The following ZNF433 variants were observed in gnomAD, a reference collection of about 807,000 sequenced individuals.
ZNF433 encodes the protein zinc finger protein 433.
In ZNF433, 12 loss-of-function variants were observed where a neutral mutation model predicts 10.6. That is an observed-to-expected ratio of 1.13 (90% CI 0.72 to 1.83). The LOEUF (loss-of-function observed/expected upper bound fraction) is 1.83. Ranked by LOEUF, ZNF433 falls within the 40% of genes most tolerant of loss-of-function variation. The pLI is 0.00. For missense variants in ZNF433, 737 were observed against 798.0 expected, an observed-to-expected ratio of 0.92 and a Z score of 0.92; for synonymous variants, 272 against 271.3, an observed-to-expected ratio of 1.00 and a Z score of -0.02.
chr19:12,019,697 T>C (rs1568333393), intron 1 of ZNF433, among the ~76,000 whole-genome samples: 1 of 152,226 alleles, frequency 6.6e-6, no homozygotes, highest in Non-Finnish European at 1.5e-5. Flanking sequence ...GCTGCATGCA[T>C]AATGAAAATA....
chr19:12,032,102 C>CT (rs534520537), intron 1 of ZNF433, among the ~76,000 whole-genome samples: 23 of 150,794 alleles, frequency 1.5e-4, no homozygotes, highest in East Asian at 7.8e-4. Context: ...CCATGCCCGG[C>CT]TTTTTTTTTG....
chr19:12,020,128 C>T lies in ZNF433; in HGVS notation c.4-1836G>A, dbSNP rs548347271. Among the ~76,000 whole-genome samples, 53 of 152,074 alleles carry T rather than the reference C, an allele frequency of 3.5e-4. No homozygotes were observed. In the South Asian group the frequency reaches 5.2e-3, roughly 15 times the overall value. On this transcript the variant is annotated intron_variant, in intron 1 of 3. Coordinates refer to ENST00000550507, the MANE Select transcript of ZNF433 (RefSeq NM_001308348.2). The stretch of plus-strand genomic sequence containing the variant: ...CTCTACTAAAAATACAAAAATTAGC[C>T]GGGCATGATGGCACATTCCTGTAAT...
At position 12,015,247 on chromosome 19, in the gene ZNF433, T is replaced by C. The variant is rs112059937; in HGVS notation, c.1611A>G (p.Gly537=). 1,058 of 1,601,826 alleles carry C rather than the reference T, an allele frequency of 6.6e-4. 3 individuals carry two copies. The African/African-American group carries it at 0.012, about 19-fold the overall frequency. ...GEKPYECKQC[G]KAFRSASQLQ... Reference sequence around the variant, plus strand: ...GCTGTGAGGCAGATCTGAAGGCTTTTCCACATTGCTTGCATTCATAGGGTT... The same window carrying C: ...GCTGTGAGGCAGATCTGAAGGCTTTCCCACATTGCTTGCATTCATAGGGTT... The change falls in exon 4 of 4, where the codon GGA becomes GGG. Residue 537 remains glycine, a synonymous_variant. Transcript: ENST00000550507.
chr19:12,031,294 C>CA (rs536658747), intron 1 of ZNF433, among the ~76,000 whole-genome samples: 1,838 of 35,358 alleles, frequency 0.052, 33 homozygotes, highest in Middle Eastern at 0.12. Context: ...GACTCCATCT[C>CA]AAAAAAAAAA....
chr19:12,025,157 C>G (rs1192152945), intron 1 of ZNF433: 1 of 152,116 alleles, frequency 6.6e-6, no homozygotes, highest in African/African-American at 2.4e-5. Context: ...TACTTCGGCT[C>G]AAAAAGCAAG....
chr19:12,021,545 C>CA (rs1974494643), intron 1 of ZNF433, among the ~76,000 whole-genome samples: 1 of 152,268 alleles, frequency 6.6e-6, no homozygotes, highest in East Asian at 1.9e-4. Flanking sequence ...AGATTAAACT[C>CA]AGGGAGACAG....
Position 12,016,535 on chromosome 19 carries a change from T to A in ZNF433, c.323A>T (p.Glu108Val). The change falls in exon 4 of 4, where the codon GAA becomes GTA. Residue 108 changes from glutamate to valine, a missense_variant. Transcript: ENST00000550507. ...AAGAGATGAATGAGCACTGCCTACT[T>A]CTCCATACACACTGCTTTCGCATGA... The part of the protein sequence containing the change: ...VKSCESSVYG[E>V]VGSAHSSLNR... The A allele has an allele frequency of 1.2e-6, 2 of 1,614,154 alleles. No individual in the cohort carries two copies. Among genetic ancestry groups the A allele is most frequent in the African/African-American group, 1.3e-5 (1 of 75,030 alleles).
Position 12,017,874 on chromosome 19 carries a change from A to G in ZNF433, c.191+2T>C, listed in dbSNP as rs753268436. 1 of 1,575,218 alleles carries G rather than the reference A, an allele frequency of 6.3e-7. No individual in the cohort carries two copies. Among genetic ancestry groups the G allele is most frequent in the South Asian group, 1.2e-5 (1 of 84,216 alleles). ...CGTCTTTGTCATGTGAGTGCAAGTT[A>G]CCTTAGGTTTCTCCTTAGATTTTCG... On this transcript the variant is annotated splice_donor_variant, in intron 3 of 3. Coordinates refer to ENST00000550507, the MANE Select transcript of ZNF433 (RefSeq NM_001308348.2). LOFTEE classifies it high-confidence loss of function.
Position 12,017,892 on chromosome 19 carries a change from G to A in ZNF433, c.175C>T (p.Leu59=). 6.3e-7 allele frequency: 1 copy of A among 1,589,670 alleles called. No homozygotes were observed. Among genetic ancestry groups the A allele is most frequent in the Non-Finnish European group, 8.5e-7 (1 of 1,172,908 alleles). ...GCAAGTTACCTTAGGTTTCTCCTTA[G>A]ATTTTCGTACTCTACATATATGTTC... is the stretch of plus-strand genomic sequence containing the variant. ...PQNIYVEYEN[L]RRNLRIVGER... The change falls in exon 3 of 4, where the codon CTA becomes TTA. Residue 59 remains leucine (L), a synonymous_variant. Transcript: ENST00000550507.
intron 1 of ZNF433, among the ~76,000 whole-genome samples, chr19:12,032,583 A>G (rs551793614): frequency 1.3e-5 from 2 of 151,702 alleles, no homozygotes; most frequent in South Asian, 4.2e-4. Flanking sequence ...TCCCAGGTTC[A>G]AGGGATTCTC....
rs375040922 is a variant in ZNF433 at position 12,029,808 on chromosome 19, G to A, written c.3+5729C>T. ...AAAATAAAAAAATAGCTGGCCGGGCGCGGTGGCTCACACATGTAATCCCAG... is the reference window on the plus strand; with the variant it reads ...AAAATAAAAAAATAGCTGGCCGGGCACGGTGGCTCACACATGTAATCCCAG... On this transcript the variant is annotated intron_variant, in intron 1 of 3. Coordinates refer to ENST00000550507, the MANE Select transcript of ZNF433 (RefSeq NM_001308348.2). 5.0e-4 allele frequency among the ~76,000 whole-genome samples: 76 copies of A among 151,868 alleles called. No homozygotes were observed. The South Asian group carries it at 9.6e-3, about 19-fold the overall frequency.
chr19:12,026,680 G>T, intron 1 of ZNF433: 1 of 454,030 alleles, frequency 2.2e-6, no homozygotes, highest in Non-Finnish European at 4.4e-6. Flanking sequence ...ATTGGACCTG[G>T]TCAGAAAAAA....
chr19:12,021,083 A>G (rs1361842889), intron 1 of ZNF433, among the ~76,000 whole-genome samples: 1 of 151,066 alleles, frequency 6.6e-6, no homozygotes, highest in African/African-American at 2.4e-5. Context: ...AGGTTCAAGC[A>G]ATTCTCCTGC....
chr19:12,029,842 G>A (rs796802703), intron 1 of ZNF433, among the ~76,000 whole-genome samples: 12 of 152,054 alleles, frequency 7.9e-5, no homozygotes, highest in African/African-American at 2.4e-4. Context: ...AGCACTTTGG[G>A]AGCCTGAGGT....
intron 1 of ZNF433, among the ~76,000 whole-genome samples, chr19:12,021,563 C>T (rs1479212582): frequency 3.3e-5 from 5 of 152,162 alleles, no homozygotes; most frequent in Admixed American, 6.6e-5. Flanking sequence ...CAGCCTATTA[C>T]GTGTCGTGAG....
At position 12,021,894 on chromosome 19, in the gene ZNF433, A is replaced by G. The variant is rs1380077400; in HGVS notation, c.4-3602T>C. 6.6e-6 allele frequency: 3 copies of G among 451,142 alleles called. No individual in the cohort carries two copies. In the Admixed American group the frequency reaches 7.1e-5, roughly 11 times the overall value. 27.9% of individuals were successfully genotyped at this position (451,142 alleles called of 1,614,324 possible). On this transcript the variant is annotated intron_variant, in intron 1 of 3. Coordinates refer to ENST00000550507, the MANE Select transcript of ZNF433 (RefSeq NM_001308348.2). ...TAGTAAGATAGGGGACTGTGGGTGC[A>G]CTATTTCCCAGACAGGGTACTAGGG...
intron 1 of ZNF433, 70 bp from the exon 2 acceptor site, chr19:12,018,362 C>A: frequency 1.3e-6 from 2 of 1,516,168 alleles, no homozygotes; most frequent in South Asian, 2.7e-5. Flanking sequence ...TACTCTATTC[C>A]CAAGAGGTTT....
intron 1 of ZNF433, among the ~76,000 whole-genome samples, chr19:12,028,493 A>G (rs1433914995): frequency 6.6e-6 from 1 of 152,196 alleles, no homozygotes; most frequent in Admixed American, 6.5e-5. Flanking sequence ...GGCTCCATCA[A>G]TATTTTGGTT....
intron 1 of ZNF433, among the ~76,000 whole-genome samples, chr19:12,035,059 G>A (rs73000434): frequency 0.026 from 4,018 of 152,264 alleles, 73 homozygotes; most frequent in Non-Finnish European, 0.038. Context: ...TATCATTCAG[G>A]AATCTCAAAG....
Sources: gnomAD v4.1 joint callset for allele counts (sites outside exome capture counted in the v4.1 genomes callset) on GRCh38, gnomAD v4.1.1 for gene constraint, MANE v1.5 for transcripts, NCBI Gene and HGNC (gene_info 2026-07-23, HGNC 2026-07-21) for gene names.